USP48: variants seen among roughly 807,000 people sequenced by gnomAD.
USP48 encodes the protein ubiquitin carboxyl-terminal hydrolase 48.
USP48 carries 43 observed loss-of-function variants against 150.7 expected under a neutral mutation model. The observed-to-expected ratio is 0.29, with a 90% confidence interval of 0.22 to 0.37. The LOEUF (loss-of-function observed/expected upper bound fraction) is 0.37. Among genes scored for constraint, USP48 ranks in the 10% least tolerant of loss-of-function variants. The probability of loss-of-function intolerance (pLI) is 1.00; values close to 1 mark genes in which losing one functional copy is unlikely to be tolerated. For synonymous variants in USP48, 396 were observed against 425.9 expected (o/e 0.93, Z 0.86); for missense variants, 813 against 1,249.6 (o/e 0.65, Z 5.27).
At chr1:21,752,187 T>C (rs1168567932) in intron 5 of USP48, among the ~76,000 whole-genome samples, 2 of 152,308 alleles carry the variant, frequency 1.3e-5, no homozygotes, top group East Asian at 3.9e-4. Flanking sequence ...ACCCAAATGT[T>C]GTATATTGTA....
At chr1:21,752,493 A>G (rs2097819027) in intron 5 of USP48, 34 bp downstream of exon 5, 1 of 1,602,986 alleles carries the variant, frequency 6.2e-7, no homozygotes, top group Admixed American at 1.8e-5. Context: ...GTCTTAGAAT[A>G]AAATGTACCA....
At chr1:21,682,654 A>G (rs989749618) in intron 25 of USP48, among the ~76,000 whole-genome samples, 1 of 152,110 alleles carries the variant, frequency 6.6e-6, no homozygotes, top group African/African-American at 2.4e-5. Context: ...AGGCAGGCGG[A>G]TCATGAGGTC....
At chr1:21,733,383 C>T (rs1411162176) in intron 9 of USP48, among the ~76,000 whole-genome samples, 1 of 152,004 alleles carries the variant, frequency 6.6e-6, no homozygotes, top group Non-Finnish European at 1.5e-5. Context: ...CGCCATTGCA[C>T]TCCAGCCTGG....
intron 20 of USP48, 74 bp downstream of exon 20, chr1:21,704,188 C>A: frequency 6.5e-7 from 1 of 1,539,168 alleles, no homozygotes; most frequent in Non-Finnish European, 8.7e-7. Context: ...TTTAAGCAGA[C>A]AACACTGACA....
intron 1 of USP48, among the ~76,000 whole-genome samples, chr1:21,779,553 A>T (rs541816308): frequency 1.7e-3 from 257 of 152,064 alleles, no homozygotes; most frequent in East Asian, 3.5e-3. Context: ...CTCAAAAAAA[A>T]AATAATAATA....
At chr1:21,700,940 C>A (rs1296560376) in intron 22 of USP48, among the ~76,000 whole-genome samples, 1 of 151,848 alleles carries the variant, frequency 6.6e-6, no homozygotes, top group African/African-American at 2.4e-5. Flanking sequence ...TGGCGCATGC[C>A]TGTAATCCCA....
At chr1:21,681,087 C>T in intron 25 of USP48, 1 of 364,430 alleles carries the variant, frequency 2.7e-6, no homozygotes, top group Admixed American at 5.1e-5. Flanking sequence ...TAGGGCACAC[C>T]TAGTGCACGA....
chr1:21,744,894 G>C (rs1360003242), intron 8 of USP48, among the ~76,000 whole-genome samples: 1 of 148,298 alleles, frequency 6.7e-6, no homozygotes, highest in Non-Finnish European at 1.5e-5. Flanking sequence ...TCATTCTAAA[G>C]ATGTCTGCAT....
At chr1:21,706,069 T>TA (rs2097671469) in intron 18 of USP48, 57 bp downstream of exon 18, 1 of 1,562,242 alleles carries the variant, frequency 6.4e-7, no homozygotes, top group South Asian at 1.1e-5. Context: ...TCTTAAAAAA[T>TA]ACCAGAGTCA....
chr1:21,779,204 C>G (rs529480856), intron 1 of USP48, among the ~76,000 whole-genome samples: 1 of 152,136 alleles, frequency 6.6e-6, no homozygotes, highest in Non-Finnish European at 1.5e-5. Context: ...CACTGCAATA[C>G]AGTCTGTGTT....
intron 8 of USP48, among the ~76,000 whole-genome samples, chr1:21,738,712 C>G (rs2097774381): frequency 6.6e-6 from 1 of 151,768 alleles, no homozygotes; most frequent in Non-Finnish European, 1.5e-5. Flanking sequence ...TAGAATTTGA[C>G]TATTTCATTG....
chr1:21,681,759 G>A (rs961454134), intron 25 of USP48, among the ~76,000 whole-genome samples: 2 of 152,098 alleles, frequency 1.3e-5, no homozygotes, highest in African/African-American at 4.8e-5. Flanking sequence ...GGTGCACCTT[G>A]GTTATATTTA....
At chr1:21,771,867 G>A (rs763018757) in intron 1 of USP48, among the ~76,000 whole-genome samples, 2 of 151,392 alleles carry the variant, frequency 1.3e-5, no homozygotes, top group African/African-American at 4.9e-5. Flanking sequence ...GTGGTGAGCC[G>A]AGATTGCGCC....
chr1:21,767,005 A>C (rs1297076232), intron 1 of USP48, among the ~76,000 whole-genome samples: 1 of 152,050 alleles, frequency 6.6e-6, no homozygotes, highest in Non-Finnish European at 1.5e-5. Flanking sequence ...CGGAGGTTGC[A>C]GTGAGCCAAG....
intron 1 of USP48, among the ~76,000 whole-genome samples, chr1:21,770,710 G>A (rs1464258462): frequency 6.6e-6 from 1 of 151,648 alleles, no homozygotes; most frequent in African/African-American, 2.4e-5. Flanking sequence ...TCGAACTCCT[G>A]ACCTCAGGTG....
At chr1:21,708,932 CAG>C (rs1432360059) in intron 15 of USP48, among the ~76,000 whole-genome samples, 1 of 137,678 alleles carries the variant, frequency 7.3e-6, no homozygotes, top group African/African-American at 2.7e-5. Context: ...GAAAAGAAAA[CAG>C]AGTCTCATTC....
intron 25 of USP48, chr1:21,686,097 C>G (rs1468972522): frequency 6.6e-6 from 1 of 152,124 alleles, no homozygotes; most frequent in Non-Finnish European, 1.5e-5. Context: ...GTCTGGGCAA[C>G]AAAGACTCTA....
chr1:21,742,606 G>C (rs1391380385), intron 8 of USP48, among the ~76,000 whole-genome samples: 1 of 146,534 alleles, frequency 6.8e-6, no homozygotes, highest in East Asian at 1.9e-4. Flanking sequence ...AAGAAAAAAA[G>C]AAAAAGAAAA....
In USP48 at chr1:21,757,789, G is replaced by T; in HGVS notation, c.135-6C>A. ...GATTTCCTTTGCAGTTTCGTCTAAG[G>T]GGAAAAAAAAAACCTTTAATTTTTA... is the stretch of plus-strand genomic sequence containing the variant. On this transcript the variant is annotated splice_polypyrimidine_tract_variant and splice_region_variant and intron_variant, in intron 1 of 26. Coordinates refer to ENST00000308271, the MANE Select transcript of USP48 (RefSeq NM_032236.8). The T allele has an allele frequency of 6.4e-7, 1 of 1,570,244 alleles. No homozygotes were observed. The highest frequency in any genetic ancestry group is 1.2e-5 in the South Asian group (1 of 82,566).
Sources: allele counts gnomAD v4.1 joint callset (sites outside exome capture counted in the v4.1 genomes callset), GRCh38; gene constraint gnomAD v4.1.1; transcripts MANE v1.5; gene names NCBI Gene and HGNC (gene_info 2026-07-23, HGNC 2026-07-21).